Variants in TMEM38A observed in about 807,000 individuals in gnomAD.
TMEM38A encodes the protein trimeric intracellular cation channel type A.
In TMEM38A, 17 loss-of-function variants were observed where a neutral mutation model predicts 28.6. The observed-to-expected ratio is 0.60, with a 90% CI of 0.41 to 0.89. The LOEUF is 0.89. Ranked by LOEUF, TMEM38A falls within the 40% of genes least tolerant of loss-of-function variation. TMEM38A has a pLI of 0.00. For synonymous variants in TMEM38A, 169 were observed against 166.1 expected (o/e 1.02, Z -0.14); for missense variants, 328 against 393.1 (o/e 0.83, Z 1.40).
intron 3 of TMEM38A, 62 bp from the exon 4 acceptor site, chr19:16,682,359 T>C (rs2086785234): frequency 7.2e-7 from 1 of 1,390,160 alleles, no homozygotes; most frequent in African/African-American, 1.4e-5. Context: ...CCTTGGGAAT[T>C]CAAACAAGAG....
chr19:16,664,172 T>A (rs2086693868), intron 1 of TMEM38A, among the ~76,000 whole-genome samples: 1 of 152,120 alleles, frequency 6.6e-6, no homozygotes, highest in Admixed American at 6.6e-5. Flanking sequence ...ATCCCAGCAC[T>A]TTGGGAGGCG....
chr19:16,663,779 G>A (rs1456646864), intron 1 of TMEM38A, among the ~76,000 whole-genome samples: 8 of 151,036 alleles, frequency 5.3e-5, no homozygotes, highest in Non-Finnish European at 8.8e-5. Flanking sequence ...CTTGTGATCC[G>A]CCTGCCTCGG....
intron 4 of TMEM38A, 54 bp downstream of exon 4, chr19:16,682,562 G>A: frequency 4.6e-6 from 7 of 1,523,670 alleles, no homozygotes; most frequent in Non-Finnish European, 6.4e-6. Context: ...CCGGGTGCCT[G>A]ACCCTGAGTT....
rs2086674689 is a variant in TMEM38A, at chr19:16,661,234, C to A, written c.17C>A (p.Ala6Glu). The A allele has an allele frequency of 6.3e-7, 1 of 1,577,792 alleles. No homozygotes were observed. Among genetic ancestry groups the A allele is most frequent in the Admixed American group, 1.8e-5 (1 of 56,354 alleles). Residue 6 changes from alanine to glutamate, a missense_variant, in exon 1 of 6, where the codon GCG becomes GAG. Ala to Glu is a moderately radical substitution (Grantham distance 107). Coordinates refer to ENST00000187762, the MANE Select transcript of TMEM38A (RefSeq NM_024074.4). The surrounding 1 kb of genome is among the most constrained non-coding windows in gnomAD (Gnocchi z 6.5). ...GCGGGCGCCATGGAGCTGCTCTCGG[C>A]GCTGAGCCTGGGCGAACTGGCGCTC... MELLS[A>E]LSLGELALSF... is the part of the protein sequence containing the mutation.
In TMEM38A at chr19:16,688,273, G is replaced by C; in HGVS notation, c.802G>C (p.Gly268Arg). 6.2e-7 allele frequency: 1 copy of C among 1,607,764 alleles called. No individual in the cohort carries two copies. The highest frequency in any genetic ancestry group is 8.5e-7 in the Non-Finnish European group (1 of 1,176,936). Reference protein sequence around the residue: ...HHDNHGGSHSGGGPGAQHSAM... With the variant: ...HHDNHGGSHSRGGPGAQHSAM... The stretch of plus-strand genomic sequence containing the variant: ...CGACAACCATGGTGGGTCCCACAGC[G>C]GTGGTGGGCCAGGAGCTCAGCATTC... Residue 268 changes from glycine to arginine, a missense_variant, in exon 6 of 6, where the codon GGT (glycine) becomes CGT (arginine). Physicochemically the swap from Gly to Arg is moderately radical, Grantham distance 125 (BLOSUM62 -2). Transcript: ENST00000187762.
intron 1 of TMEM38A, among the ~76,000 whole-genome samples, chr19:16,671,172 A>G (rs1034696182): frequency 4.1e-5 from 6 of 147,944 alleles, no homozygotes; most frequent in African/African-American, 1.3e-4. Context: ...AGAGAAACCA[A>G]GGAGTATGGA....
At chr19:16,678,088 G>A (rs750485841) in intron 1 of TMEM38A, among the ~76,000 whole-genome samples, 35 of 152,142 alleles carry the variant, frequency 2.3e-4, no homozygotes, top group Non-Finnish European at 4.7e-4. Flanking sequence ...TTTGGAGATG[G>A]TTGGTGGTGA....
At position 16,688,517 on chromosome 19, in the gene TMEM38A, T is replaced by TG; in HGVS notation, c.*151dup. 1.9e-6 allele frequency: 1 copy of TG among 536,616 alleles called. No homozygotes were observed. The highest frequency in any genetic ancestry group is 2.9e-6 in the Non-Finnish European group (1 of 339,702). The allele number at this position is 536,616 out of a possible 1,614,324, so 33.2% of individuals were successfully genotyped here. Reference sequence around the variant, plus strand: ...ATTGGCTCACCCTCCAGGGCTGATGTGGGGGTTGAGATATGGGGATGAGGA... The same window carrying TG: ...ATTGGCTCACCCTCCAGGGCTGATGTGGGGGGTTGAGATATGGGGATGAGGA... On this transcript the variant is annotated 3_prime_UTR_variant, in exon 6 of 6. Transcript: ENST00000187762.
rs2086673748 is a variant in TMEM38A, at chr19:16,661,183, C to T, written c.-35C>T. On this transcript the variant is annotated 5_prime_UTR_variant, in exon 1 of 6. Coordinates refer to ENST00000187762, the MANE Select transcript of TMEM38A (RefSeq NM_024074.4). This position sits in a 1 kb window ranked among gnomAD's most constrained non-coding sequence, Gnocchi z 6.5. ...CGGCGGGACGGACGAGGCCGGGGCC[C>T]CGGGTGGCACCCGGCAGGCGGGCAG... The T allele has an allele frequency of 7.6e-7, 1 of 1,312,482 alleles. No individual in the cohort carries two copies. Among genetic ancestry groups the T allele is most frequent in the East Asian group, 3.4e-5 (1 of 29,776 alleles). The allele number at this position is 1,312,482 out of a possible 1,614,324, so 81.3% of individuals were successfully genotyped here.
chr19:16,663,489 C>T (rs1292511243), intron 1 of TMEM38A, among the ~76,000 whole-genome samples: 1 of 151,712 alleles, frequency 6.6e-6, no homozygotes, highest in Non-Finnish European at 1.5e-5. Flanking sequence ...CAAACCCTGG[C>T]TATTCATGAA....
chr19:16,683,592 CAAAAAAA>C (rs558424228), intron 4 of TMEM38A, among the ~76,000 whole-genome samples: 1 of 80,962 alleles, frequency 1.2e-5, no homozygotes, highest in Non-Finnish European at 2.7e-5. Flanking sequence ...GACCTTGTCT[CAAAAAAA>C]AAAAAAAAAA....
rs1156807401 is a variant in TMEM38A at position 16,688,427 on chromosome 19, G to A, written c.*56G>A. 5.1e-6 allele frequency: 7 copies of A among 1,378,932 alleles called. No individual in the cohort carries two copies. Among genetic ancestry groups the A allele is most frequent in the Non-Finnish European group, 5.7e-6 (6 of 1,048,818 alleles). 85.4% of individuals were successfully genotyped at this position (1,378,932 alleles called of 1,614,324 possible). A position where few individuals can be genotyped will look rare whatever the true frequency, so the allele number is the denominator to read the frequency against. ...CCCGGACCCAGGACCCTCTGAGCTG[G>A]GAGGCTTCCTGCGCTCAGATCTATC... On this transcript the variant is annotated 3_prime_UTR_variant, in exon 6 of 6. Transcript: ENST00000187762.
At chr19:16,685,815 G>A (rs1221083416) in intron 4 of TMEM38A, among the ~76,000 whole-genome samples, 1 of 152,188 alleles carries the variant, frequency 6.6e-6, no homozygotes, top group African/African-American at 2.4e-5. Context: ...ATCTTTCCTT[G>A]GACCAGGTTA....
In TMEM38A at chr19:16,670,932, C is replaced by G. The variant is rs140516600; in HGVS notation, c.125-9052C>G. Reference sequence around the variant, plus strand: ...CCAGCCTGGGCGACAGAGCAAGACCCCATCTCAAAAAAAGAATAAAAGAAA... The same window carrying G: ...CCAGCCTGGGCGACAGAGCAAGACCGCATCTCAAAAAAAGAATAAAAGAAA... On this transcript the variant is annotated intron_variant, in intron 1 of 5. Coordinates refer to ENST00000187762, the MANE Select transcript of TMEM38A (RefSeq NM_024074.4). Among the ~76,000 whole-genome samples the G allele has an allele frequency of 9.6e-3, 1,457 of 151,914 alleles. 16 individuals are homozygous for G. The highest frequency in any genetic ancestry group is 0.031 in the Middle Eastern group (9 of 292).
In TMEM38A at chr19:16,680,155, G is replaced by C. The variant is rs988322842; in HGVS notation, c.281+15G>C. 1.1e-5 allele frequency: 18 copies of C among 1,603,750 alleles called. No individual in the cohort carries two copies. Among genetic ancestry groups the C allele is most frequent in the Non-Finnish European group, 1.5e-5 (18 of 1,178,338 alleles). Reference sequence around the variant, plus strand: ...TCAGCTGTCTGGTAAGCCATGCTGGGCATGGGAGAGCAGAGCCGGGTGGGG... The same window carrying C: ...TCAGCTGTCTGGTAAGCCATGCTGGCCATGGGAGAGCAGAGCCGGGTGGGG... On this transcript the variant is annotated intron_variant, in intron 2 of 5. Coordinates refer to ENST00000187762, the MANE Select transcript of TMEM38A (RefSeq NM_024074.4).
intron 3 of TMEM38A, 120 bp from the exon 4 acceptor site, chr19:16,682,301 A>T: frequency 1.3e-6 from 1 of 757,328 alleles, no homozygotes; most frequent in Non-Finnish European, 2.3e-6. Context: ...ATACACCCCC[A>T]GGCTCAGTGT....
chr19:16,664,695 A>C lies in TMEM38A; in HGVS notation c.124+3354A>C, dbSNP rs2086695842. Reference sequence around the variant, plus strand: ...ACTTGAGCCCAGGAGTTGGAGCTCAACTGCGCCTGGCTGGGTCAGGCTTTC... The same window carrying C: ...ACTTGAGCCCAGGAGTTGGAGCTCACCTGCGCCTGGCTGGGTCAGGCTTTC... On this transcript the variant is annotated intron_variant, in intron 1 of 5. Coordinates refer to ENST00000187762, the MANE Select transcript of TMEM38A (RefSeq NM_024074.4). 3.3e-5 allele frequency among the ~76,000 whole-genome samples: 5 copies of C among 151,878 alleles called. No homozygotes were observed. In the South Asian group the frequency reaches 1.0e-3, roughly 32 times the overall value.
intron 1 of TMEM38A, among the ~76,000 whole-genome samples, chr19:16,669,151 A>G (rs1300439569): frequency 3.3e-5 from 5 of 149,592 alleles, no homozygotes; most frequent in African/African-American, 1.2e-4. Flanking sequence ...CATAGTAAGG[A>G]TGTTTCATGG....
chr19:16,661,270 G>T lies in TMEM38A; in HGVS notation c.53G>T (p.Arg18Leu). The T allele has an allele frequency of 6.3e-7, 1 of 1,597,614 alleles. No homozygotes were observed. The highest frequency in any genetic ancestry group is 1.1e-5 in the South Asian group (1 of 89,110). The stretch of plus-strand genomic sequence containing the variant: ...GGCGAACTGGCGCTCAGCTTCTCGC[G>T]GGTGCCGCTCTTCCCCGTCTTCGAC... Reference protein sequence around the residue: ...SLGELALSFSRVPLFPVFDLS... With the variant: ...SLGELALSFSLVPLFPVFDLS... Residue 18 changes from arginine (R) to leucine (L), a missense_variant, in exon 1 of 6, where the codon CGG becomes CTG. Coordinates refer to ENST00000187762, the MANE Select transcript of TMEM38A (RefSeq NM_024074.4). This position sits in a 1 kb window ranked among gnomAD's most constrained non-coding sequence, Gnocchi z 6.5.
Sources: gnomAD v4.1 joint callset for allele counts (sites outside exome capture counted in the v4.1 genomes callset) on GRCh38, gnomAD v4.1.1 for gene constraint, Gnocchi (gnomAD v3.1) non-coding constraint, MANE v1.5 for transcripts, NCBI Gene and HGNC (gene_info 2026-07-23, HGNC 2026-07-21) for gene names.